Variants in AKAP6 observed in about 807,000 individuals in gnomAD.
The protein encoded by AKAP6 is A-kinase anchoring protein 6.
AKAP6 carries 58 observed loss-of-function variants against 188.5 expected under a neutral mutation model. The ratio of observed to expected loss-of-function variants is 0.31; its 90% confidence interval spans 0.25 to 0.38. The LOEUF (loss-of-function observed/expected upper bound fraction) is 0.38, where lower values mean the gene tolerates loss of function less well. Among genes scored for constraint, AKAP6 ranks in the 10% least tolerant of loss-of-function variants. AKAP6 has a pLI of 1.00. For missense variants in AKAP6, 2,710 were observed against 2,740.0 expected (o/e 0.99, Z 0.24); for synonymous variants, 989 against 998.6 (o/e 0.99, Z 0.18).
At chr14:32,561,521 A>G (rs1365728635) in intron 4 of AKAP6, among the ~76,000 whole-genome samples, 2 of 152,224 alleles carry the variant, frequency 1.3e-5, no homozygotes, top group South Asian at 2.1e-4. Flanking sequence ...CTTGGCGTAT[A>G]TCACTTCAAC....
At chr14:32,473,155 T>C (rs533336133) in intron 2 of AKAP6, among the ~76,000 whole-genome samples, 59 of 152,180 alleles carry the variant, frequency 3.9e-4, no homozygotes, top group Non-Finnish European at 7.5e-4. Context: ...TTATCACAAG[T>C]TTTGAAGCAA....
intron 1 of AKAP6, among the ~76,000 whole-genome samples, chr14:32,345,337 G>A (rs1382065398): frequency 2.6e-5 from 4 of 152,166 alleles, no homozygotes; most frequent in Admixed American, 2.0e-4. Flanking sequence ...TAACTCTCAA[G>A]GAACAAAATT....
chr14:32,515,571 C>A (rs1243844010), intron 2 of AKAP6, among the ~76,000 whole-genome samples: 2 of 152,070 alleles, frequency 1.3e-5, no homozygotes, highest in African/African-American at 2.4e-5. Flanking sequence ...AAAAGAAAAT[C>A]TTTGGGCTTG....
At chr14:32,651,385 C>T (rs766499043) in intron 7 of AKAP6, among the ~76,000 whole-genome samples, 15 of 152,146 alleles carry the variant, frequency 9.9e-5, no homozygotes, top group East Asian at 9.7e-4. Context: ...CTAATTGTTG[C>T]GGATAGTCTA....
intron 11 of AKAP6, among the ~76,000 whole-genome samples, chr14:32,751,498 C>CTTTTTTTTTTTTTTTTT: frequency 8.2e-6 from 1 of 122,548 alleles, no homozygotes; most frequent in Non-Finnish European, 1.6e-5. Context: ...TCTCTTTTCA[C>CTTTTTTTTTTTTTTTTT]TTTTTTTTTT....
At chr14:32,680,795 G>A (rs999085617) in intron 8 of AKAP6, among the ~76,000 whole-genome samples, 2 of 152,148 alleles carry the variant, frequency 1.3e-5, no homozygotes, top group African/African-American at 2.4e-5. Context: ...TGACAAAAAG[G>A]TATGTTATCA....
chr14:32,828,415 T>C (rs371024450), intron 13 of AKAP6, among the ~76,000 whole-genome samples: 18 of 152,314 alleles, frequency 1.2e-4, no homozygotes, highest in African/African-American at 3.1e-4. Context: ...TTTTGCTGGA[T>C]GTGAAGTGTC....
At chr14:32,419,381 A>G (rs1889762731) in intron 1 of AKAP6, among the ~76,000 whole-genome samples, 1 of 152,176 alleles carries the variant, frequency 6.6e-6, no homozygotes, top group Non-Finnish European at 1.5e-5. Context: ...AATGCTTTTG[A>G]AAATCGTGCT....
intron 9 of AKAP6, among the ~76,000 whole-genome samples, chr14:32,704,564 A>G (rs1245215221): frequency 6.6e-6 from 1 of 152,168 alleles, no homozygotes; most frequent in African/African-American, 2.4e-5. Context: ...TTTTTAAATT[A>G]CTTATCTTTA....
intron 7 of AKAP6, among the ~76,000 whole-genome samples, chr14:32,652,029 C>T (rs950982005): frequency 6.6e-6 from 1 of 151,942 alleles, no homozygotes; most frequent in Non-Finnish European, 1.5e-5. Flanking sequence ...ATTTTAGCTA[C>T]CACTATAGGC....
chr14:32,718,300 T>C (rs1206413291), intron 9 of AKAP6: 3 of 985,296 alleles, frequency 3.0e-6, no homozygotes, highest in Non-Finnish European at 2.4e-6. Context: ...TCAAGCTTTC[T>C]GAGGCTGCAG....
chr14:32,759,496 A>G (rs1408852334), intron 11 of AKAP6, among the ~76,000 whole-genome samples: 1 of 152,206 alleles, frequency 6.6e-6, no homozygotes. Flanking sequence ...CAAAAGAGCC[A>G]ATGAGTGTCT....
chr14:32,579,444 G>A (rs573218502), intron 5 of AKAP6, among the ~76,000 whole-genome samples: 9 of 152,254 alleles, frequency 5.9e-5, no homozygotes, highest in African/African-American at 2.2e-4. Flanking sequence ...TTTGCAAATA[G>A]TGAGGGACTT....
At chr14:32,480,734 C>T (rs1879299810) in intron 2 of AKAP6, among the ~76,000 whole-genome samples, 1 of 152,150 alleles carries the variant, frequency 6.6e-6, no homozygotes, top group South Asian at 2.1e-4. Flanking sequence ...AGGAGCCAGA[C>T]TTCAATATAC....
chr14:32,657,100 C>T (rs1335776214), intron 7 of AKAP6, among the ~76,000 whole-genome samples: 4 of 152,098 alleles, frequency 2.6e-5, no homozygotes, highest in Non-Finnish European at 5.9e-5. Flanking sequence ...CTGCCCTCAG[C>T]GCAGATCCAG....
Position 32,546,886 on chromosome 14 carries a change from T to C in AKAP6, c.2233T>C (p.Ser745Pro), listed in dbSNP as rs1467511937. ...TGCTGATGAGAAGTCAGAAAGAGCT[T>C]CATCCTCTGAGAAAAATGAGAGCCA... ...KYADEKSERASSSEKNESHSA... is the reference protein window; with the variant it reads ...KYADEKSERAPSSEKNESHSA... Residue 745 changes from serine (S) to proline (P), a missense_variant, in exon 4 of 14, where the codon TCA becomes CCA. Ser to Pro is a moderately conservative substitution (Grantham distance 74). This residue lies in a region of AKAP6 where 2,473 missense variants were observed against 2,426.1 expected (regional missense o/e 1.02). Coordinates refer to ENST00000280979, the MANE Select transcript of AKAP6 (RefSeq NM_004274.5). 5 of 1,614,006 alleles carry C rather than the reference T, an allele frequency of 3.1e-6. No homozygotes were observed. The Admixed American group carries it at 8.3e-5, about 27-fold the overall frequency.
intron 2 of AKAP6, among the ~76,000 whole-genome samples, chr14:32,503,423 T>A (rs1408644644): frequency 6.6e-6 from 1 of 152,122 alleles, no homozygotes; most frequent in Non-Finnish European, 1.5e-5. Context: ...GCATTCCTTT[T>A]CTTTTTCTAC....
chr14:32,461,729 G>T (rs1371433242), intron 2 of AKAP6, among the ~76,000 whole-genome samples: 1 of 152,100 alleles, frequency 6.6e-6, no homozygotes, highest in Admixed American at 6.6e-5. Context: ...TGGAGAATGA[G>T]ATTGACAAAT....
intron 4 of AKAP6, among the ~76,000 whole-genome samples, chr14:32,559,773 T>C (rs1224250646): frequency 6.7e-6 from 1 of 149,870 alleles, no homozygotes; most frequent in African/African-American, 2.5e-5. Flanking sequence ...GGTAGTCCTC[T>C]AAGCCTAATC....
Sources: allele counts gnomAD v4.1 joint callset (sites outside exome capture counted in the v4.1 genomes callset), GRCh38; gene constraint gnomAD v4.1.1; regional missense constraint gnomAD v4.1.1; transcripts MANE v1.5; gene names NCBI Gene and HGNC (gene_info 2026-07-23, HGNC 2026-07-21).